MDN1: variants seen among roughly 807,000 people sequenced by gnomAD.
The protein encoded by MDN1 is midasin AAA ATPase 1.
Under a neutral mutation model 669.2 loss-of-function variants are expected in MDN1, and 266 were observed. The ratio of observed to expected loss-of-function variants is 0.40; its 90% CI spans 0.36 to 0.44. The LOEUF is 0.44. Among genes scored for constraint, MDN1 ranks in the 20% least tolerant of loss-of-function variants. MDN1 has a pLI of 1.00. For missense variants in MDN1, 5,940 were observed against 6,754.0 expected (o/e 0.88, Z 4.22); for synonymous variants, 2,385 against 2,457.1 (o/e 0.97, Z 0.87).
At chr6:89,683,760 T>C (rs1054495618) in intron 72 of MDN1, 71 bp downstream of exon 72, 9 of 1,106,858 alleles carry the variant, frequency 8.1e-6, no homozygotes, top group East Asian at 2.4e-5. Context: ...ATGGTAACTA[T>C]GTCGTTTTGC....
At chr6:89,763,164 T>C (rs934988966) in intron 15 of MDN1, among the ~76,000 whole-genome samples, 2 of 151,956 alleles carry the variant, frequency 1.3e-5, no homozygotes, top group African/African-American at 4.8e-5. Flanking sequence ...TAAAAAACCA[T>C]CCATATTTCA....
Position 89,719,159 on chromosome 6 carries a change from G to A in MDN1, c.6034C>T (p.Arg2012Cys), listed in dbSNP as rs768513454. The change falls in exon 41 of 102, where the codon CGT becomes TGT. Residue 2012 changes from arginine to cysteine, a missense_variant. Coordinates refer to ENST00000369393, the MANE Select transcript of MDN1 (RefSeq NM_014611.3). Reference protein sequence around the residue: ...SNPYMGTRLFRITPYDVQLGY... With the variant: ...SNPYMGTRLFCITPYDVQLGY... ...ACCTGAACATCATAGGGAGTGATAC[G>A]AAATAGTCTGGTTCCCATGTATGGG... The A allele has an allele frequency of 6.2e-6, 10 of 1,613,498 alleles. No homozygotes were observed. The highest frequency in any genetic ancestry group is 1.3e-5 in the African/African-American group (1 of 74,926).
At chr6:89,686,722 G>C (rs1812034962) in intron 69 of MDN1, among the ~76,000 whole-genome samples, 180 bp downstream of exon 69, 2 of 152,342 alleles carry the variant, frequency 1.3e-5, no homozygotes, top group South Asian at 4.1e-4. Context: ...CTCTCAGTTA[G>C]ATAAGCACGA....
chr6:89,794,305 T>C, intron 3 of MDN1, 98 bp from the exon 4 acceptor site: 1 of 718,456 alleles, frequency 1.4e-6, no homozygotes. Context: ...AAAGGAAATC[T>C]CAATTATTAC....
At chr6:89,762,634 A>G in intron 15 of MDN1, 104 bp from the exon 16 acceptor site, 1 of 762,184 alleles carries the variant, frequency 1.3e-6, no homozygotes, top group Admixed American at 2.8e-5. Flanking sequence ...TCATTTAATT[A>G]ACGTCAGAAA....
intron 2 of MDN1, among the ~76,000 whole-genome samples, chr6:89,799,292 TGA>T (rs886162778): frequency 6.6e-6 from 1 of 152,248 alleles, no homozygotes; most frequent in Non-Finnish European, 1.5e-5. Context: ...CAGACAGCAC[TGA>T]TGTGGGGCAC....
At chr6:89,750,791 CAG>C (rs1399904931) in intron 23 of MDN1, among the ~76,000 whole-genome samples, 2 of 152,016 alleles carry the variant, frequency 1.3e-5, no homozygotes, top group Admixed American at 1.3e-4. Context: ...TTTGCAGAGA[CAG>C]AGTCTTGCCG....
intron 65 of MDN1, among the ~76,000 whole-genome samples, chr6:89,689,147 C>G (rs957425960): frequency 1.3e-5 from 2 of 152,174 alleles, no homozygotes; most frequent in Non-Finnish European, 2.9e-5. Flanking sequence ...GCCTGAGAAA[C>G]AGAGCATCAG....
At chr6:89,661,394 G>A (rs552106153) in intron 88 of MDN1, 37 bp downstream of exon 88, 3 of 1,593,766 alleles carry the variant, frequency 1.9e-6, no homozygotes, top group Non-Finnish European at 2.6e-6. Context: ...TCACTAATGT[G>A]AGTTCTAACC....
intron 53 of MDN1, among the ~76,000 whole-genome samples, chr6:89,702,998 C>T (rs1813261668): frequency 1.3e-5 from 2 of 151,042 alleles, no homozygotes; most frequent in South Asian, 4.2e-4. Flanking sequence ...TGCAATGGCG[C>T]AATCTCAGCT....
At chr6:89,812,239 C>T (rs1768475666) in intron 1 of MDN1, among the ~76,000 whole-genome samples, 1 of 151,830 alleles carries the variant, frequency 6.6e-6, no homozygotes, top group Middle Eastern at 3.2e-3. Context: ...CCACCTTGGC[C>T]CCCTAAAGTG....
rs995515041 is a variant in MDN1 at position 89,780,252 on chromosome 6, T to C, written c.1685A>G (p.Asp562Gly). The change falls in exon 11 of 102, where the codon GAC (aspartate) becomes GGC (glycine). Residue 562 changes from aspartate to glycine, a missense_variant. Coordinates refer to ENST00000369393, the MANE Select transcript of MDN1 (RefSeq NM_014611.3). ...NWCNRIAHSF[D>G]SSSLSASLNI... ...TAATGATGCTGATAAAGATGAACTG[T>C]CAAAGCTATGGGCAATCCTATTACA... 1.3e-6 allele frequency: 2 copies of C among 1,589,188 alleles called. No homozygotes were observed. Among genetic ancestry groups the C allele is most frequent in the Non-Finnish European group, 8.5e-7 (1 of 1,170,296 alleles).
At chr6:89,784,384 T>C (rs1818844637) in intron 9 of MDN1, among the ~76,000 whole-genome samples, 1 of 152,178 alleles carries the variant, frequency 6.6e-6, no homozygotes. Flanking sequence ...CCTATATACC[T>C]ACATCAATAA....
chr6:89,661,076 A>G (rs1013172385), intron 88 of MDN1, among the ~76,000 whole-genome samples: 3 of 152,236 alleles, frequency 2.0e-5, no homozygotes, highest in African/African-American at 7.2e-5. Flanking sequence ...GGACTCCACG[A>G]CAGCTTGGTA....
At position 89,677,646 on chromosome 6, in the gene MDN1, C is replaced by G; in HGVS notation, c.12463G>C (p.Glu4155Gln). Residue 4155 changes from glutamate (E) to glutamine (Q), a missense_variant, in exon 76 of 102, where the codon GAG (glutamate) becomes CAG (glutamine). Glu to Gln is a conservative substitution (Grantham distance 29, BLOSUM62 2). This residue lies in a region of MDN1 where 2,280 missense variants were observed against 2,576.3 expected (regional missense o/e 0.88). Transcript: ENST00000369393. ...LAWARSKNPQ[E>Q]MLHLHPLDLQ... ...TCTAATGGGTGAAGATGAAGCATCT[C>G]TTGAGGGTTTTTTGAACGGGCCCAA... is the stretch of plus-strand genomic sequence containing the variant. 1 of 1,614,174 alleles carries G rather than the reference C, an allele frequency of 6.2e-7. No individual in the cohort carries two copies. The highest frequency in any genetic ancestry group is 1.1e-5 in the South Asian group (1 of 91,080).
At chr6:89,663,643 G>GA (rs1243870132) in intron 85 of MDN1, among the ~76,000 whole-genome samples, 1 of 151,956 alleles carries the variant, frequency 6.6e-6, no homozygotes, top group African/African-American at 2.4e-5. Flanking sequence ...GATGTTAAAT[G>GA]AAAAAAGCAG....
chr6:89,759,859 G>C (rs889068751), intron 17 of MDN1, among the ~76,000 whole-genome samples: 2 of 151,354 alleles, frequency 1.3e-5, no homozygotes, highest in African/African-American at 4.9e-5. Context: ...CTCACCTGAG[G>C]TCAGGAGTTC....
chr6:89,688,550 T>A (rs780957595), intron 66 of MDN1, 23 bp downstream of exon 66: 54 of 1,602,734 alleles, frequency 3.4e-5, no homozygotes, highest in Non-Finnish European at 2.8e-5. Flanking sequence ...CTGTGAGCAC[T>A]CCTTCCTCAA....
chr6:89,663,008 G>T, intron 85 of MDN1, 41 bp from the exon 86 acceptor site: 1 of 1,610,018 alleles, frequency 6.2e-7, no homozygotes, highest in South Asian at 1.1e-5. Flanking sequence ...TCTCCAAACT[G>T]ACCCAGTCCT....
Sources: allele counts gnomAD v4.1 joint callset (sites outside exome capture counted in the v4.1 genomes callset), GRCh38; gene constraint gnomAD v4.1.1; regional missense constraint gnomAD v4.1.1; transcripts MANE v1.5; gene names NCBI Gene and HGNC (gene_info 2026-07-23, HGNC 2026-07-21).